CDK13: variants seen among roughly 807,000 people sequenced by gnomAD.
CDK13 encodes cyclin dependent kinase 13, also known as cyclin-dependent kinase 13.
CDK13 carries 40 observed loss-of-function variants against 137.6 expected under a neutral mutation model. The observed-to-expected ratio is 0.29, with a 90% CI of 0.23 to 0.38. The LOEUF (loss-of-function observed/expected upper bound fraction) is 0.38, where lower values mean the gene tolerates loss of function less well. Ranked by LOEUF, CDK13 falls within the 10% of genes least tolerant of loss-of-function variation. CDK13 has a pLI of 1.00. For synonymous variants in CDK13, 869 were observed against 760.1 expected, an observed-to-expected ratio of 1.14 and a Z score of -2.36; for missense variants, 1,704 against 1,951.8, an observed-to-expected ratio of 0.87 and a Z score of 2.39.
chr7:39,950,635 C>T lies in CDK13; in HGVS notation c.-7C>T, dbSNP rs551765285. 7.6e-7 allele frequency: 1 copy of T among 1,318,476 alleles called. No homozygotes were observed. The highest frequency in any genetic ancestry group is 9.7e-7 in the Non-Finnish European group (1 of 1,036,120). The allele number at this position is 1,318,476 out of a possible 1,614,324, so 81.7% of individuals were successfully genotyped here. On this transcript the variant is annotated 5_prime_UTR_variant, in exon 1 of 14. Transcript: ENST00000181839. Reference sequence around the variant, plus strand: ...CCCGCGCCGCGCTCTGCGGCTGGCTCTAGGCGATGCCGAGCAGCTCGGACA... The same window carrying T: ...CCCGCGCCGCGCTCTGCGGCTGGCTTTAGGCGATGCCGAGCAGCTCGGACA...
chr7:39,955,313 T>C (rs1034114416), intron 1 of CDK13, among the ~76,000 whole-genome samples: 39 of 152,154 alleles, frequency 2.6e-4, no homozygotes, highest in African/African-American at 8.9e-4. Context: ...TCTAAAAGGT[T>C]TTAAGCGATT....
intron 11 of CDK13, among the ~76,000 whole-genome samples, chr7:40,079,419 C>CAA (rs202161573): frequency 0.095 from 13,418 of 141,980 alleles, 934 homozygotes; most frequent in East Asian, 0.33. Context: ...GACTCCGTCT[C>CAA]AAAAAAAAAA....
At chr7:40,036,775 C>T (rs1056116976) in intron 5 of CDK13, among the ~76,000 whole-genome samples, 27 of 150,758 alleles carry the variant, frequency 1.8e-4, no homozygotes, top group Non-Finnish European at 2.5e-4. Flanking sequence ...AAAAGTTAGT[C>T]TTTGATTATG....
At chr7:40,015,544 A>T (rs1163222082) in intron 5 of CDK13, among the ~76,000 whole-genome samples, 2 of 152,338 alleles carry the variant, frequency 1.3e-5, no homozygotes, top group Non-Finnish European at 2.9e-5. Context: ...AGGACTTCAC[A>T]TAGAATATGG....
Position 40,092,987 on chromosome 7 carries a change from A to G in CDK13, c.3438A>G (p.Ser1146=), listed in dbSNP as rs1786960206. The stretch of plus-strand genomic sequence containing the variant: ...CAGGTGAAAAACAGACAGATCCATC[A>G]ACACCACAACAGGAGTCTTCGAAAC... ...LATGEKQTDP[S]TPQQESSKPL... The change falls in exon 13 of 14, where the codon TCA becomes TCG. Residue 1146 remains serine (S), a synonymous_variant. Coordinates refer to ENST00000181839, the MANE Select transcript of CDK13 (RefSeq NM_003718.5). 16 of 1,614,104 alleles carry G rather than the reference A, an allele frequency of 9.9e-6. No homozygotes were observed. Among genetic ancestry groups the G allele is most frequent in the Non-Finnish European group, 1.4e-5 (16 of 1,180,044 alleles).
chr7:40,041,184 G>A (rs1785597337), intron 5 of CDK13, among the ~76,000 whole-genome samples: 1 of 152,134 alleles, frequency 6.6e-6, no homozygotes, highest in Non-Finnish European at 1.5e-5. Context: ...AAATTAGCCA[G>A]GAGTGGTGGT....
In CDK13 at chr7:39,950,783, C is replaced by T. The variant is rs918459117; in HGVS notation, c.142C>T (p.Leu48Phe). 103 of 1,470,364 alleles carry T rather than the reference C, an allele frequency of 7.0e-5. No homozygotes were observed. Among genetic ancestry groups the T allele is most frequent in the Non-Finnish European group, 8.8e-5 (98 of 1,118,386 alleles). 91.1% of individuals were successfully genotyped at this position (1,470,364 alleles called of 1,614,324 possible). ...PLLLPLLQPQLLQPPPPPPPL... is the reference protein window; with the variant it reads ...PLLLPLLQPQFLQPPPPPPPL... ...GCTGTTGCCGCTCCTGCAGCCGCAG[C>T]TCCTGCAACCGCCGCCGCCCCCGCC... The change falls in exon 1 of 14, where the codon CTC (leucine) becomes TTC (phenylalanine). Residue 48 changes from leucine to phenylalanine, a missense_variant. Coordinates refer to ENST00000181839, the MANE Select transcript of CDK13 (RefSeq NM_003718.5).
chr7:40,023,161 C>T (rs1458030372), intron 5 of CDK13, among the ~76,000 whole-genome samples: 1 of 150,138 alleles, frequency 6.7e-6, no homozygotes, highest in Admixed American at 6.6e-5. Context: ...GACGCTATCT[C>T]GGCTTACCAC....
chr7:39,966,397 G>A (rs896003150), intron 1 of CDK13, among the ~76,000 whole-genome samples: 2 of 152,040 alleles, frequency 1.3e-5, no homozygotes, highest in Admixed American at 6.6e-5. Context: ...CCAGTTGATC[G>A]AATCAGCTAC....
At chr7:39,994,443 T>A (rs1784522110) in intron 2 of CDK13, among the ~76,000 whole-genome samples, 1 of 152,126 alleles carries the variant, frequency 6.6e-6, no homozygotes, top group Admixed American at 6.5e-5. Flanking sequence ...TTTAACATAT[T>A]GTATTTGTCA....
chr7:39,978,356 C>CTT (rs1477860988), intron 1 of CDK13, among the ~76,000 whole-genome samples: 1 of 151,672 alleles, frequency 6.6e-6, no homozygotes, highest in Non-Finnish European at 1.5e-5. Context: ...TTTTCTTTTT[C>CTT]TTTTTTTGAA....
At chr7:39,997,340 ATTAC>A (rs958791209) in intron 2 of CDK13, among the ~76,000 whole-genome samples, 150 bp from the exon 3 acceptor site, 14 of 152,194 alleles carry the variant, frequency 9.2e-5, no homozygotes, top group African/African-American at 3.4e-4. Context: ...AGTATAGTGT[ATTAC>A]TTTAGCTGGA....
chr7:39,956,057 C>G (rs1398900933), intron 1 of CDK13, among the ~76,000 whole-genome samples: 5 of 151,544 alleles, frequency 3.3e-5, no homozygotes, highest in African/African-American at 1.2e-4. Context: ...GTCCTGAAAA[C>G]TATAGTTCAA....
intron 1 of CDK13, among the ~76,000 whole-genome samples, chr7:39,970,237 T>G: frequency 6.6e-6 from 1 of 151,948 alleles, no homozygotes; most frequent in East Asian, 1.9e-4. Context: ...ACTCCTGACC[T>G]CAACCTGCTT....
At chr7:40,016,160 G>A (rs117049063) in intron 5 of CDK13, among the ~76,000 whole-genome samples, 1 of 152,308 alleles carries the variant, frequency 6.6e-6, no homozygotes, top group East Asian at 1.9e-4. Flanking sequence ...ACGTTGCTGT[G>A]CAGTTTTTGG....
intron 5 of CDK13, among the ~76,000 whole-genome samples, chr7:40,025,579 GTTGA>G (rs1218186770): frequency 1.3e-5 from 2 of 152,148 alleles, no homozygotes; most frequent in Non-Finnish European, 2.9e-5. Context: ...GTAATTAAAA[GTTGA>G]TTGGGCATTT....
chr7:40,047,807 C>T lies in CDK13; in HGVS notation c.2544-14C>T. 6.3e-7 allele frequency: 1 copy of T among 1,589,860 alleles called. No individual in the cohort carries two copies. Among genetic ancestry groups the T allele is most frequent in the Non-Finnish European group, 8.6e-7 (1 of 1,159,380 alleles). ...AATTAATACCTTTTGTTCATTTTGT[C>T]TTATTTCCACCAGAGGGCAGATAAA... On this transcript the variant is annotated splice_polypyrimidine_tract_variant and intron_variant, in intron 6 of 13. Transcript: ENST00000181839.
chr7:40,089,946 A>G (rs978670660), intron 12 of CDK13, among the ~76,000 whole-genome samples: 13 of 152,222 alleles, frequency 8.5e-5, no homozygotes, highest in Non-Finnish European at 1.6e-4. Flanking sequence ...GTAGTCTACA[A>G]GCTTCTACTT....
intron 1 of CDK13, among the ~76,000 whole-genome samples, chr7:39,983,206 A>T (rs1469519484): frequency 6.6e-6 from 1 of 152,210 alleles, no homozygotes; most frequent in African/African-American, 2.4e-5. Context: ...ATAAGGTTTA[A>T]GGAAGGGATC....
Sources: gnomAD v4.1 joint callset for allele counts (sites outside exome capture counted in the v4.1 genomes callset) on GRCh38, gnomAD v4.1.1 for gene constraint, MANE v1.5 for transcripts, NCBI Gene and HGNC (gene_info 2026-07-23, HGNC 2026-07-21) for gene names.